NIPAL3: variants seen among roughly 807,000 people sequenced by gnomAD.
The protein encoded by NIPAL3 is NIPA-like protein 3.
A neutral mutation model predicts 47.2 loss-of-function variants in NIPAL3; 41 were observed. The observed-to-expected ratio is 0.87, with a 90% CI of 0.68 to 1.13. The LOEUF is 1.13. NIPAL3 is among the 50% of genes most tolerant of loss of function. NIPAL3 has a pLI of 0.00. For missense variants in NIPAL3, 449 were observed against 530.1 expected, an observed-to-expected ratio of 0.85 and a Z score of 1.50; for synonymous variants, 194 against 209.6, an observed-to-expected ratio of 0.93 and a Z score of 0.64.
In NIPAL3 at chr1:24,471,809, A is replaced by C. The variant is rs1646914374; in HGVS notation, c.*2624A>C. ...TCCGAGCCTGCAAGAACAAAAAACA[A>C]AAAGCAGAAATTAAAATCAGGTTTC... On this transcript the variant is annotated 3_prime_UTR_variant, in exon 12 of 12. Coordinates refer to ENST00000374399, the MANE Select transcript of NIPAL3 (RefSeq NM_020448.5). 6.6e-6 allele frequency: 1 copy of C among 152,130 alleles called. No homozygotes were observed. Among genetic ancestry groups the C allele is most frequent in the South Asian group, 2.1e-4 (1 of 4,834 alleles). 9.4% of individuals were successfully genotyped at this position (152,130 alleles called of 1,614,324 possible).
Position 24,419,389 on chromosome 1 carries a change from T to C in NIPAL3, c.-159T>C. 7.5e-7 allele frequency: 1 copy of C among 1,335,836 alleles called. No individual in the cohort carries two copies. The highest frequency in any genetic ancestry group is 2.0e-5 in the South Asian group (1 of 50,916). The allele number at this position is 1,335,836 out of a possible 1,614,324, so 82.7% of individuals were successfully genotyped here. ...GTGAAGCTGAGGAGAAGGCTGTAAA[T>C]CTGCCAAAACAGCCTTGAAGTATTC... is the stretch of plus-strand genomic sequence containing the variant. On this transcript the variant is annotated 5_prime_UTR_variant, in exon 2 of 12. Transcript: ENST00000374399.
At chr1:24,459,678 C>T (rs1039924283) in intron 9 of NIPAL3, among the ~76,000 whole-genome samples, 5 of 152,240 alleles carry the variant, frequency 3.3e-5, no homozygotes, top group Non-Finnish European at 7.3e-5. Context: ...ACAGGAGGAA[C>T]ACACGAGGCG....
intron 9 of NIPAL3, among the ~76,000 whole-genome samples, chr1:24,460,092 C>T (rs1646401408): frequency 6.6e-6 from 1 of 152,156 alleles, no homozygotes; most frequent in African/African-American, 2.4e-5. Flanking sequence ...TGACTGCAGG[C>T]ACAAACTGGT....
At chr1:24,440,564 A>T (rs1179553592) in intron 3 of NIPAL3, among the ~76,000 whole-genome samples, 1 of 152,094 alleles carries the variant, frequency 6.6e-6, no homozygotes, top group African/African-American at 2.4e-5. Flanking sequence ...GTCAAATTCA[A>T]CTCTAATTAC....
intron 9 of NIPAL3, among the ~76,000 whole-genome samples, 154 bp from the exon 10 acceptor site, chr1:24,460,327 T>A (rs1646411546): frequency 6.6e-6 from 1 of 152,206 alleles, no homozygotes; most frequent in Non-Finnish European, 1.5e-5. Context: ...ATCCCCTAAA[T>A]GGCTTTTATT....
chr1:24,447,222 C>T (rs55954421), intron 5 of NIPAL3, among the ~76,000 whole-genome samples: 6,754 of 152,200 alleles, frequency 0.044, 232 homozygotes, highest in Non-Finnish European at 0.068. Flanking sequence ...ATAGAGCTTC[C>T]CAGGGTGAAG....
chr1:24,455,463 G>A (rs1646150066), intron 7 of NIPAL3, among the ~76,000 whole-genome samples: 1 of 152,172 alleles, frequency 6.6e-6, no homozygotes, highest in South Asian at 2.1e-4. Flanking sequence ...ACACATATTG[G>A]AAATGTTTGC....
intron 10 of NIPAL3, among the ~76,000 whole-genome samples, chr1:24,462,596 G>A (rs965255335): frequency 6.6e-6 from 1 of 151,326 alleles, no homozygotes; most frequent in Non-Finnish European, 1.5e-5. Context: ...GCAAAACCCT[G>A]TCTCTACTAA....
At chr1:24,457,802 C>A in intron 8 of NIPAL3, 1 of 533,402 alleles carries the variant, frequency 1.9e-6, no homozygotes, top group Non-Finnish European at 3.8e-6. Flanking sequence ...TCACATGAAG[C>A]TCTTATGAGA....
At chr1:24,428,430 C>T (rs1375822925) in intron 2 of NIPAL3, among the ~76,000 whole-genome samples, 1 of 152,088 alleles carries the variant, frequency 6.6e-6, no homozygotes, top group East Asian at 1.9e-4. Flanking sequence ...GGTCAGAAGA[C>T]CCCCATTCCA....
intron 6 of NIPAL3, among the ~76,000 whole-genome samples, chr1:24,452,769 G>A (rs1304025783): frequency 6.6e-6 from 1 of 151,910 alleles, no homozygotes; most frequent in East Asian, 1.9e-4. Context: ...CCAGGATGGA[G>A]TGCAGTGGCG....
At chr1:24,458,847 C>T (rs373160653) in intron 8 of NIPAL3, 41 bp from the exon 9 acceptor site, 166 of 1,506,188 alleles carry the variant, frequency 1.1e-4, no homozygotes, top group Middle Eastern at 3.4e-4. Flanking sequence ...GCCTTTCCAA[C>T]GTCTCCACAG....
In NIPAL3 at chr1:24,450,114, C is replaced by T. The variant is rs149374843; in HGVS notation, c.540+488C>T. Reference sequence around the variant, plus strand: ...GAGAACGAATGAACTGCCACTGTGCCCCACACAGTAATATCAAAACCATTA... The same window carrying T: ...GAGAACGAATGAACTGCCACTGTGCTCCACACAGTAATATCAAAACCATTA... On this transcript the variant is annotated intron_variant, in intron 6 of 11. Coordinates refer to ENST00000374399, the MANE Select transcript of NIPAL3 (RefSeq NM_020448.5). Among the ~76,000 whole-genome samples the T allele has an allele frequency of 3.3e-3, 503 of 152,248 alleles. 4 individuals are homozygous for T. The highest frequency in any genetic ancestry group is 0.011 in the African/African-American group (453 of 41,524).
rs1483973070 is a variant in NIPAL3 at position 24,416,111 on chromosome 1, C to T, written c.-258+207C>T. The T allele has an allele frequency of 1.0e-6, 1 of 985,468 alleles. No individual in the cohort carries two copies. Among genetic ancestry groups the T allele is most frequent in the South Asian group, 4.7e-5 (1 of 21,290 alleles). The allele number at this position is 985,468 out of a possible 1,614,324, so 61.0% of individuals were successfully genotyped here. ...AGGAGCGGGGGCATGGGCTACCTTA[C>T]TAAAGGTGATGCCAGGCTCTACCAA... On this transcript the variant is annotated intron_variant, in intron 1 of 11. Transcript: ENST00000374399. The surrounding 1 kb of genome is among the most constrained non-coding windows in gnomAD (Gnocchi z 4.8).
chr1:24,422,328 C>T (rs1644371364), intron 2 of NIPAL3, among the ~76,000 whole-genome samples: 1 of 152,122 alleles, frequency 6.6e-6, no homozygotes, highest in Non-Finnish European at 1.5e-5. Flanking sequence ...AGTTCTTGGG[C>T]CAGCTCTGTC....
Position 24,419,588 on chromosome 1 carries a change from T to C in NIPAL3, c.41T>C (p.Leu14Pro). The change falls in exon 2 of 12, where the codon CTG becomes CCG. Residue 14 changes from leucine (L) to proline (P), a missense_variant. Transcript: ENST00000374399. Reference sequence around the variant, plus strand: ...AGCGCAGCCCTGAAGCTGCAGCAGCTGCCTCCCACAAGTAGCTCCAGCGCC... The same window carrying C: ...AGCGCAGCCCTGAAGCTGCAGCAGCCGCCTCCCACAAGTAGCTCCAGCGCC... Reference protein sequence around the residue: ...SHSAALKLQQLPPTSSSSAVS... With the variant: ...SHSAALKLQQPPPTSSSSAVS... The C allele has an allele frequency of 6.2e-7, 1 of 1,614,094 alleles. No individual in the cohort carries two copies. The highest frequency in any genetic ancestry group is 1.1e-5 in the South Asian group (1 of 91,048).
At chr1:24,459,976 G>C (rs1405387520) in intron 9 of NIPAL3, among the ~76,000 whole-genome samples, 6 of 152,176 alleles carry the variant, frequency 3.9e-5, no homozygotes, top group Non-Finnish European at 7.3e-5. Flanking sequence ...CATACCACAG[G>C]AGTAGACCCA....
intron 2 of NIPAL3, among the ~76,000 whole-genome samples, chr1:24,426,294 CTTT>C (rs67874650): frequency 1.4e-5 from 2 of 145,934 alleles, no homozygotes; most frequent in Admixed American, 6.8e-5. Flanking sequence ...AAGAGTCTTC[CTTT>C]TTTTTTTTTT....
At chr1:24,431,640 T>C (rs975259877) in intron 2 of NIPAL3, among the ~76,000 whole-genome samples, 4 of 152,294 alleles carry the variant, frequency 2.6e-5, no homozygotes, top group African/African-American at 9.6e-5. Flanking sequence ...GTCCAATGTC[T>C]TGGAATAGGG....
Sources: allele counts gnomAD v4.1 joint callset (sites outside exome capture counted in the v4.1 genomes callset), GRCh38; gene constraint gnomAD v4.1.1; non-coding constraint Gnocchi (gnomAD v3.1); transcripts MANE v1.5; gene names NCBI Gene and HGNC (gene_info 2026-07-23, HGNC 2026-07-21).